BACH2: variants seen among roughly 807,000 people sequenced by gnomAD.
BACH2 encodes BACH transcriptional regulator 2, also known as transcription regulator protein BACH2.
Under a neutral mutation model 61.8 loss-of-function variants are expected in BACH2, and 5 were observed. That is an observed-to-expected ratio of 0.08 (90% CI 0.04 to 0.17). The LOEUF (loss-of-function observed/expected upper bound fraction) is 0.17, where lower values mean the gene tolerates loss of function less well. Ranked by LOEUF, BACH2 falls within the 10% of genes least tolerant of loss-of-function variation. The pLI is 1.00. For missense variants in BACH2, 824 were observed against 1,091.1 expected, an observed-to-expected ratio of 0.76 and a Z score of 3.45; for synonymous variants, 446 against 440.1, an observed-to-expected ratio of 1.01 and a Z score of -0.17.
chr6:90,065,816 C>T (rs1780935073), intron 5 of BACH2, among the ~76,000 whole-genome samples: 2 of 152,158 alleles, frequency 1.3e-5, no homozygotes, highest in African/African-American at 4.8e-5. Context: ...ACTTAAAATC[C>T]ACCTGTGGAA....
intron 2 of BACH2, among the ~76,000 whole-genome samples, chr6:90,255,681 A>G (rs978606615): frequency 4.6e-5 from 7 of 152,268 alleles, no homozygotes; most frequent in African/African-American, 1.7e-4. Context: ...CCAGAAGAGC[A>G]GGTGAATAAG....
chr6:90,140,900 G>A (rs1046974486), intron 4 of BACH2, among the ~76,000 whole-genome samples: 7 of 152,028 alleles, frequency 4.6e-5, no homozygotes, highest in Non-Finnish European at 7.4e-5. Flanking sequence ...TCTATTTCTA[G>A]AAATTTAACT....
chr6:89,994,850 C>T (rs1341062027), intron 6 of BACH2, among the ~76,000 whole-genome samples: 3 of 152,208 alleles, frequency 2.0e-5, no homozygotes, highest in African/African-American at 7.2e-5. Flanking sequence ...AACTCCATTA[C>T]ATTTCTACCA....
chr6:90,009,293 ATGT>A (rs1777581705), intron 5 of BACH2, among the ~76,000 whole-genome samples: 1 of 152,254 alleles, frequency 6.6e-6, no homozygotes, highest in South Asian at 2.1e-4. Flanking sequence ...AGTATTTGTA[ATGT>A]TGTCTTGATG....
At chr6:90,097,963 T>C (rs941505073) in intron 4 of BACH2, among the ~76,000 whole-genome samples, 2 of 152,206 alleles carry the variant, frequency 1.3e-5, no homozygotes, top group African/African-American at 4.8e-5. Flanking sequence ...AAACGGGAAC[T>C]GTGAGACACC....
At chr6:90,174,682 T>C (rs1201853606) in intron 4 of BACH2, among the ~76,000 whole-genome samples, 1 of 152,006 alleles carries the variant, frequency 6.6e-6, no homozygotes, top group Admixed American at 6.5e-5. Context: ...GACAGTGGCA[T>C]GGCTAAATAA....
At chr6:89,953,109 G>A (rs1262420642) in intron 6 of BACH2, 1 of 152,216 alleles carries the variant, frequency 6.6e-6, no homozygotes, top group East Asian at 1.9e-4. Flanking sequence ...AAGGTGAACT[G>A]GTAAACTTTG....
chr6:90,031,994 G>C (rs533524220), intron 5 of BACH2, among the ~76,000 whole-genome samples: 75 of 152,144 alleles, frequency 4.9e-4, no homozygotes, highest in Non-Finnish European at 8.7e-4. Context: ...CATGGTACTG[G>C]TACCAAGACA....
chr6:89,950,101 T>C lies in BACH2; in HGVS notation c.1836+169A>G. On this transcript the variant is annotated intron_variant, in intron 7 of 8. Coordinates refer to ENST00000257749, the MANE Select transcript of BACH2 (RefSeq NM_021813.4). The surrounding 1 kb of genome is among the most constrained non-coding windows in gnomAD (Gnocchi z 5.3). ...TTTTCTAGGACAGAAGTGGTTAATG[T>C]GGAATCACCTTCAGCATCCTGCCTC... is the stretch of plus-strand genomic sequence containing the variant. The C allele has an allele frequency of 2.6e-6, 2 of 760,914 alleles. No homozygotes were observed. Among genetic ancestry groups the C allele is most frequent in the South Asian group, 3.2e-5 (2 of 61,670 alleles). The allele number at this position is 760,914 out of a possible 1,614,324, so 47.1% of individuals were successfully genotyped here.
chr6:90,077,035 T>C (rs138477866), intron 5 of BACH2, among the ~76,000 whole-genome samples: 9 of 152,224 alleles, frequency 5.9e-5, no homozygotes, highest in Non-Finnish European at 7.4e-5. Flanking sequence ...CCATTGCAAA[T>C]ACTTTACACT....
intron 4 of BACH2, among the ~76,000 whole-genome samples, chr6:90,141,118 A>C (rs1784443320): frequency 6.6e-6 from 1 of 152,214 alleles, no homozygotes; most frequent in East Asian, 1.9e-4. Flanking sequence ...AATAGTCATA[A>C]TTTTATAAAA....
Position 90,204,864 on chromosome 6 carries a change from C to T in BACH2, c.-162+1705G>A, listed in dbSNP as rs191647568. 2.1e-3 allele frequency among the ~76,000 whole-genome samples: 316 copies of T among 152,326 alleles called. 3 individuals are homozygous for T. The highest frequency in any genetic ancestry group is 7.0e-3 in the African/African-American group (289 of 41,568). Reference sequence around the variant, plus strand: ...CTAACTTCTCAAAGGAGGCTTAACGCCAAGTGTTTAAGCTGGGGTGGGGTT... The same window carrying T: ...CTAACTTCTCAAAGGAGGCTTAACGTCAAGTGTTTAAGCTGGGGTGGGGTT... On this transcript the variant is annotated intron_variant, in intron 4 of 8. Coordinates refer to ENST00000257749, the MANE Select transcript of BACH2 (RefSeq NM_021813.4).
At chr6:90,185,370 T>C (rs1768320051) in intron 4 of BACH2, among the ~76,000 whole-genome samples, 1 of 152,146 alleles carries the variant, frequency 6.6e-6, no homozygotes, top group Non-Finnish European at 1.5e-5. Flanking sequence ...TAAAATGGTG[T>C]TTTAAAAAAA....
At chr6:90,047,912 C>T (rs1289629637) in intron 5 of BACH2, among the ~76,000 whole-genome samples, 3 of 152,078 alleles carry the variant, frequency 2.0e-5, no homozygotes, top group Non-Finnish European at 2.9e-5. Flanking sequence ...TCTAGGGGCT[C>T]CCCTGAAAGT....
chr6:90,152,156 T>C (rs578063736), intron 4 of BACH2, among the ~76,000 whole-genome samples: 3 of 152,344 alleles, frequency 2.0e-5, no homozygotes, highest in Admixed American at 6.5e-5. Flanking sequence ...CTGCTGTCCA[T>C]GACAAAGAAA....
chr6:90,120,816 A>G (rs1022937227), intron 4 of BACH2, among the ~76,000 whole-genome samples: 1 of 152,240 alleles, frequency 6.6e-6, no homozygotes, highest in Non-Finnish European at 1.5e-5. Context: ...CGAACTCTGG[A>G]GCACATCAGC....
chr6:90,277,785 T>C (rs1413495021), intron 1 of BACH2, among the ~76,000 whole-genome samples: 2 of 152,336 alleles, frequency 1.3e-5, no homozygotes, highest in East Asian at 1.9e-4. Flanking sequence ...TATTCAATCT[T>C]AGCTTCTCTG....
intron 5 of BACH2, among the ~76,000 whole-genome samples, chr6:90,068,448 C>T (rs1296552247): frequency 6.6e-6 from 1 of 152,114 alleles, no homozygotes; most frequent in African/African-American, 2.4e-5. Context: ...ATGTGAATGT[C>T]AGGACAATGC....
intron 3 of BACH2, among the ~76,000 whole-genome samples, chr6:90,231,792 T>C (rs2127860484): frequency 6.6e-6 from 1 of 152,360 alleles, no homozygotes; most frequent in Non-Finnish European, 1.5e-5. Context: ...CTAAGTCCAC[T>C]GGGCTGGTCC....
Sources: allele counts gnomAD v4.1 joint callset (sites outside exome capture counted in the v4.1 genomes callset), GRCh38; gene constraint gnomAD v4.1.1; non-coding constraint Gnocchi (gnomAD v3.1); transcripts MANE v1.5; gene names NCBI Gene and HGNC (gene_info 2026-07-23, HGNC 2026-07-21).